ATP2C1: variants seen among roughly 807,000 people sequenced by gnomAD.
ATP2C1 encodes the protein ATPase secretory pathway Ca2+ transporting 1.
A neutral mutation model predicts 120.5 loss-of-function variants in ATP2C1; 31 were observed. That is an observed-to-expected ratio of 0.26 (90% CI 0.19 to 0.35). The LOEUF is 0.35. Ranked by LOEUF, ATP2C1 falls within the 10% of genes least tolerant of loss-of-function variation. ATP2C1 has a pLI of 1.00. For synonymous variants in ATP2C1, 351 were observed against 358.7 expected, an observed-to-expected ratio of 0.98 and a Z score of 0.24; for missense variants, 731 against 1,107.5, an observed-to-expected ratio of 0.66 and a Z score of 4.83.
At chr3:130,999,864 A>G (rs978365847) in intron 27 of ATP2C1, among the ~76,000 whole-genome samples, 3 of 152,136 alleles carry the variant, frequency 2.0e-5, no homozygotes, top group Admixed American at 2.0e-4. Context: ...TTTATAGGTT[A>G]TCAATTGTTA....
intron 8 of ATP2C1, among the ~76,000 whole-genome samples, chr3:130,947,574 TA>T (rs1055715293): frequency 2.0e-5 from 3 of 152,220 alleles, no homozygotes; most frequent in African/African-American, 7.2e-5. Context: ...GTAATGTTTT[TA>T]GGTACTTCAT....
intron 1 of ATP2C1, among the ~76,000 whole-genome samples, chr3:130,859,134 A>G (rs971200377): frequency 6.6e-6 from 1 of 152,202 alleles, no homozygotes; most frequent in African/African-American, 2.4e-5. Flanking sequence ...GAGATGAACA[A>G]TTCAGATATT....
At chr3:131,010,740 T>C (rs910276317) in intron 26 of ATP2C1, among the ~76,000 whole-genome samples, 11 of 152,228 alleles carry the variant, frequency 7.2e-5, no homozygotes, top group Non-Finnish European at 1.3e-4. Flanking sequence ...CTCACATTCC[T>C]GCCCATCTTT....
At chr3:130,903,618 C>T (rs2057971196) in intron 2 of ATP2C1, among the ~76,000 whole-genome samples, 1 of 151,120 alleles carries the variant, frequency 6.6e-6, no homozygotes. Context: ...TCTTTCTCTC[C>T]CTCCCTCCCT....
intron 1 of ATP2C1, among the ~76,000 whole-genome samples, chr3:130,869,908 T>C (rs1238200609): frequency 3.3e-5 from 5 of 152,190 alleles, no homozygotes; most frequent in African/African-American, 1.2e-4. Context: ...GCTAAGATCA[T>C]TGATGAAGGT....
intron 20 of ATP2C1, among the ~76,000 whole-genome samples, chr3:130,986,923 GTTAGT>G (rs78879304): frequency 2.8e-3 from 7 of 2,496 alleles, no homozygotes; most frequent in Non-Finnish European, 9.8e-3. Flanking sequence ...GTTTAGTTTA[GTTAGT>G]TTAGTTTAGT....
chr3:130,911,430 T>A (rs910870442), intron 2 of ATP2C1, among the ~76,000 whole-genome samples: 30 of 151,158 alleles, frequency 2.0e-4, no homozygotes, highest in African/African-American at 6.6e-4. Flanking sequence ...TTTGAAGGGT[T>A]TTTTGTGTCT....
chr3:130,967,094 C>A, intron 14 of ATP2C1, 51 bp from the exon 15 acceptor site: 1 of 1,387,278 alleles, frequency 7.2e-7, no homozygotes, highest in Non-Finnish European at 1.0e-6. Context: ...GTCTTGTCAC[C>A]ACCAAGTGTT....
intron 8 of ATP2C1, among the ~76,000 whole-genome samples, chr3:130,949,544 G>T (rs767134376): frequency 6.6e-6 from 1 of 152,148 alleles, no homozygotes; most frequent in Non-Finnish European, 1.5e-5. Context: ...AGAAGCTGCA[G>T]CAAGTTATTC....
chr3:130,936,225 T>C (rs1372463000), intron 5 of ATP2C1, among the ~76,000 whole-genome samples: 2 of 152,114 alleles, frequency 1.3e-5, no homozygotes, highest in Non-Finnish European at 2.9e-5. Context: ...AAAAAAAAAT[T>C]GTTACGAAAT....
intron 1 of ATP2C1, among the ~76,000 whole-genome samples, chr3:130,860,429 T>TA (rs2067978418): frequency 1.3e-5 from 2 of 152,380 alleles, no homozygotes; most frequent in South Asian, 2.1e-4. Flanking sequence ...TTTCAGGAGA[T>TA]ACAACTTAGG....
At chr3:130,903,827 G>A (rs1404484972) in intron 2 of ATP2C1, among the ~76,000 whole-genome samples, 1 of 151,890 alleles carries the variant, frequency 6.6e-6, no homozygotes, top group Non-Finnish European at 1.5e-5. Context: ...GCAACAAAAT[G>A]GACGGGTTTA....
Position 130,997,699 on chromosome 3 carries a change from A to G in ATP2C1, c.2337A>G (p.Ile779Met). 6.2e-7 allele frequency: 1 copy of G among 1,613,796 alleles called. No homozygotes were observed. The change falls in exon 25 of 28, where the codon ATA becomes ATG. Residue 779 changes from isoleucine to methionine, a missense_variant. Transcript: ENST00000510168. ...TGACTAAAAACTTGATACTTAAAAT[A>G]CTTGTTTCATCAATAATCATTGTTT... is the stretch of plus-strand genomic sequence containing the variant. ...SILTKNLILK[I>M]LVSSIIIVCG...
chr3:130,923,124 T>G (rs1218508926), intron 2 of ATP2C1, among the ~76,000 whole-genome samples: 2 of 152,248 alleles, frequency 1.3e-5, no homozygotes, highest in African/African-American at 4.8e-5. Context: ...GTAATTGTTT[T>G]ATAAATTTGG....
intron 1 of ATP2C1, among the ~76,000 whole-genome samples, chr3:130,884,583 A>G (rs907512442): frequency 1.3e-5 from 2 of 152,200 alleles, no homozygotes; most frequent in African/African-American, 4.8e-5. Flanking sequence ...GGTCTGTCCA[A>G]TGCTGAAAAT....
intron 8 of ATP2C1, among the ~76,000 whole-genome samples, chr3:130,943,347 T>C (rs765230022): frequency 1.3e-5 from 2 of 152,094 alleles, no homozygotes; most frequent in African/African-American, 2.4e-5. Context: ...TCCCAATAGC[T>C]GAGATTACAG....
upstream of ATP2C1, among the ~76,000 whole-genome samples, chr3:130,889,466 T>C (rs1466463212): frequency 6.6e-6 from 1 of 152,116 alleles, no homozygotes; most frequent in Non-Finnish European, 1.5e-5. Context: ...ACTGTTATCT[T>C]TTAATTTCAA....
Position 130,967,171 on chromosome 3 carries a change from T to TG in ATP2C1, c.1153dup (p.Glu385GlyfsTer5). ...TTACTGGAGTTGGCTATAATCAATT[T>TG]GGGGAAGTGATTGTTGATGGTGATG... On this transcript the variant is annotated frameshift_variant, in exon 15 of 28. Coordinates refer to ENST00000510168, the MANE Select transcript of ATP2C1 (RefSeq NM_001378687.1). LOFTEE classifies it high-confidence loss of function. The TG allele has an allele frequency of 6.2e-7, 1 of 1,613,710 alleles. No individual in the cohort carries two copies. Among genetic ancestry groups the TG allele is most frequent in the Non-Finnish European group, 8.5e-7 (1 of 1,179,638 alleles).
intron 1 of ATP2C1, chr3:130,855,978 G>C (rs531975284): frequency 6.6e-6 from 1 of 150,840 alleles, no homozygotes; most frequent in Admixed American, 6.6e-5. Context: ...CTTGAACAGA[G>C]ATTTTTTTTT....
Sources: allele counts gnomAD v4.1 joint callset (sites outside exome capture counted in the v4.1 genomes callset), GRCh38; gene constraint gnomAD v4.1.1; transcripts MANE v1.5; gene names NCBI Gene and HGNC (gene_info 2026-07-23, HGNC 2026-07-21).